Variants in PNPLA8 observed in about 807,000 individuals in gnomAD.
The protein encoded by PNPLA8 is calcium-independent phospholipase A2-gamma.
Under a neutral mutation model 76.9 loss-of-function variants are expected in PNPLA8, and 39 were observed. The ratio of observed to expected loss-of-function variants is 0.51; its 90% CI spans 0.39 to 0.66. The LOEUF is 0.66. Ranked by LOEUF, PNPLA8 falls within the 30% of genes least tolerant of loss-of-function variation. PNPLA8 has a pLI of 0.00. For missense variants in PNPLA8, 887 were observed against 918.0 expected (o/e 0.97, Z 0.44); for synonymous variants, 301 against 307.9 (o/e 0.98, Z 0.24).
chr7:108,490,337 G>A (rs1861053703), intron 8 of PNPLA8, among the ~76,000 whole-genome samples: 1 of 152,030 alleles, frequency 6.6e-6, no homozygotes. Context: ...ATGTGTAGTA[G>A]GCTATACCAT....
In PNPLA8 at chr7:108,489,183, G is replaced by A. The variant is rs368936580; in HGVS notation, c.1684-1230C>T. ...TTTAAACCAAGCAAACAAACAAGGA[G>A]CCTTGGAGATACAGGGGAACAAGCA... On this transcript the variant is annotated intron_variant, in intron 8 of 10. Transcript: ENST00000257694. Among the ~76,000 whole-genome samples the A allele has an allele frequency of 7.2e-5, 11 of 152,174 alleles. No individual in the cohort carries two copies. In the East Asian group the frequency reaches 7.7e-4, roughly 11 times the overall value.
chr7:108,518,750 TATATATATAC>T (rs1360943116), intron 2 of PNPLA8, among the ~76,000 whole-genome samples: 1,963 of 123,680 alleles, frequency 0.016, 39 homozygotes, highest in African/African-American at 0.054. Flanking sequence ...TATATATATA[TATATATATAC>T]ACACACACAC....
chr7:108,491,394 GA>G lies in PNPLA8; in HGVS notation c.1683+15del, dbSNP rs1563948079. The G allele has an allele frequency of 2.6e-6, 4 of 1,536,568 alleles. No homozygotes were observed. The highest frequency in any genetic ancestry group is 3.6e-6 in the Non-Finnish European group (4 of 1,109,190). On this transcript the variant is annotated intron_variant, in intron 8 of 10. Transcript: ENST00000257694. Reference sequence around the variant, plus strand: ...AGATGGAACTAGGTGTTATATTTAAGAGACTCTAAGCTTACCTTAGGACATG... The same window carrying G: ...AGATGGAACTAGGTGTTATATTTAAGGACTCTAAGCTTACCTTAGGACATG...
At chr7:108,511,036 AT>A in intron 4 of PNPLA8, 1 of 502,716 alleles carries the variant, frequency 2.0e-6, no homozygotes, top group Non-Finnish European at 3.1e-6. Context: ...CTGCTCTCAA[AT>A]TGGAAAAAAA....
rs1202261930 is a variant in PNPLA8 at position 108,515,332 on chromosome 7, T to A, written c.160A>T (p.Ile54Leu). ...CTTTTGGTCCATTTACATCTTATTA[T>A]GTTTGTATGAAAACCTCTTTGTAGA... ...ISLQRGFHTN[I>L]IRCKWTKSEA... The change falls in exon 3 of 11, where the codon ATA (isoleucine) becomes TTA (leucine). Residue 54 changes from isoleucine (I) to leucine (L), a missense_variant. Transcript: ENST00000257694. 1 of 1,613,680 alleles carries A rather than the reference T, an allele frequency of 6.2e-7. No homozygotes were observed. Among genetic ancestry groups the A allele is most frequent in the South Asian group, 1.1e-5 (1 of 91,042 alleles).
At chr7:108,490,402 T>C (rs548732718) in intron 8 of PNPLA8, among the ~76,000 whole-genome samples, 3 of 152,224 alleles carry the variant, frequency 2.0e-5, no homozygotes, top group Non-Finnish European at 4.4e-5. Context: ...AATAATCTAA[T>C]GACACACTTC....
intron 9 of PNPLA8, among the ~76,000 whole-genome samples, chr7:108,483,624 A>G (rs1386582869): frequency 1.3e-5 from 2 of 152,180 alleles, no homozygotes; most frequent in African/African-American, 2.4e-5. Flanking sequence ...TCATTGTTTG[A>G]ATATACCATA....
intron 9 of PNPLA8, among the ~76,000 whole-genome samples, chr7:108,485,730 T>A (rs1182478463): frequency 6.6e-6 from 1 of 152,112 alleles, no homozygotes; most frequent in Non-Finnish European, 1.5e-5. Context: ...AGTTGTCATT[T>A]GAAGTGAAAA....
intron 9 of PNPLA8, among the ~76,000 whole-genome samples, chr7:108,483,686 AT>A (rs2154515004): frequency 6.6e-6 from 1 of 152,280 alleles, no homozygotes; most frequent in South Asian, 2.1e-4. Context: ...AGCTATCTTT[AT>A]ACATTTGTTG....
chr7:108,500,916 A>G (rs1157716626), intron 5 of PNPLA8, among the ~76,000 whole-genome samples: 7 of 149,162 alleles, frequency 4.7e-5, no homozygotes, highest in African/African-American at 7.4e-5. Context: ...CTCCGTCTCA[A>G]AAAAAAAAAA....
At chr7:108,493,578 T>A (rs1036558088) in intron 7 of PNPLA8, among the ~76,000 whole-genome samples, 8 of 146,122 alleles carry the variant, frequency 5.5e-5, no homozygotes, top group Non-Finnish European at 1.1e-4. Flanking sequence ...CTTTTTTTTT[T>A]TTTTTTTTTT....
chr7:108,513,980 T>C (rs1171614990), intron 4 of PNPLA8, among the ~76,000 whole-genome samples, 164 bp downstream of exon 4: 1 of 152,208 alleles, frequency 6.6e-6, no homozygotes, highest in African/African-American at 2.4e-5. Context: ...ATTAGCATAA[T>C]GTATGTCACA....
At chr7:108,492,202 CTCA>C (rs1861231749) in intron 7 of PNPLA8, among the ~76,000 whole-genome samples, 1 of 152,170 alleles carries the variant, frequency 6.6e-6, no homozygotes, top group South Asian at 2.1e-4. Flanking sequence ...TCAAACAATA[CTCA>C]TGTTTCCCAA....
intron 4 of PNPLA8, among the ~76,000 whole-genome samples, chr7:108,503,512 T>C (rs541623118): frequency 1.3e-5 from 2 of 152,188 alleles, no homozygotes; most frequent in Non-Finnish European, 2.9e-5. Context: ...ACTTGAGCAA[T>C]GGTGGAGAAT....
intron 9 of PNPLA8, among the ~76,000 whole-genome samples, chr7:108,486,214 A>C (rs1860726926): frequency 6.6e-6 from 1 of 152,110 alleles, no homozygotes; most frequent in Non-Finnish European, 1.5e-5. Flanking sequence ...CAAGATCCCC[A>C]AATGTAATTA....
intron 4 of PNPLA8, chr7:108,510,179 A>ATAAT (rs1862799046): frequency 1.8e-6 from 1 of 552,798 alleles, no homozygotes; most frequent in Non-Finnish European, 2.9e-6. Flanking sequence ...AAGTATAATA[A>ATAAT]AAAAAAAAAA....
At chr7:108,484,344 C>G (rs542664549) in intron 9 of PNPLA8, among the ~76,000 whole-genome samples, 1 of 152,106 alleles carries the variant, frequency 6.6e-6, no homozygotes. Context: ...GGTCATTGGG[C>G]TAATATTAGG....
At chr7:108,502,056 C>T (rs1055175485) in intron 5 of PNPLA8, among the ~76,000 whole-genome samples, 18 of 151,712 alleles carry the variant, frequency 1.2e-4, no homozygotes, top group Non-Finnish European at 2.2e-4. Flanking sequence ...TTAATTAAAA[C>T]AATTTCATGT....
chr7:108,476,592 A>G (rs1424508167), intron 10 of PNPLA8, among the ~76,000 whole-genome samples: 1 of 152,230 alleles, frequency 6.6e-6, no homozygotes, highest in East Asian at 1.9e-4. Flanking sequence ...TCCTCAAAAA[A>G]TTAAAAAGAG....
Sources: allele counts gnomAD v4.1 joint callset (sites outside exome capture counted in the v4.1 genomes callset), GRCh38; gene constraint gnomAD v4.1.1; transcripts MANE v1.5; gene names NCBI Gene and HGNC (gene_info 2026-07-23, HGNC 2026-07-21).